Variants in RBFOX1 observed in about 807,000 individuals in gnomAD.
RBFOX1 encodes RNA binding protein fox-1 homolog 1.
RBFOX1 carries 8 observed loss-of-function variants against 57.7 expected under a neutral mutation model. That is an observed-to-expected ratio of 0.14 (90% confidence interval 0.08 to 0.25). The LOEUF is 0.25. RBFOX1 is among the 10% of genes least tolerant of loss of function. The probability of loss-of-function intolerance (pLI) is 1.00; values close to 1 mark genes in which losing one functional copy is unlikely to be tolerated. For synonymous variants in RBFOX1, 326 were observed against 222.4 expected, an observed-to-expected ratio of 1.47 and a Z score of -4.15; for missense variants, 611 against 548.5, an observed-to-expected ratio of 1.11 and a Z score of -1.14.
chr16:7,042,178 C>T (rs997535513), intron 3 of RBFOX1, among the ~76,000 whole-genome samples: 6 of 152,164 alleles, frequency 3.9e-5, no homozygotes, highest in African/African-American at 9.7e-5. Flanking sequence ...ACTAGCTAGT[C>T]GGTGCATGTC....
At chr16:6,891,559 G>C (rs1034319224) in intron 3 of RBFOX1, among the ~76,000 whole-genome samples, 4 of 152,136 alleles carry the variant, frequency 2.6e-5, no homozygotes, top group African/African-American at 9.7e-5. Flanking sequence ...GTGATGGTTA[G>C]TTTTTTCCAG....
In RBFOX1 at chr16:5,947,390, G is replaced by A. The variant is rs1379370598; in HGVS notation, c.351+80055G>A. On this transcript the variant is annotated intron_variant, in intron 4 of 19. Transcript: ENST00000641259. This position sits in a 1 kb window ranked among gnomAD's most constrained non-coding sequence, Gnocchi z 7.2. ...AGATTTTTGTTCTGTTTTGTTTTCA[G>A]ACAGGGTCTTGCTCTCGCTCAGACT... Among the ~76,000 whole-genome samples the A allele has an allele frequency of 6.6e-5, 10 of 152,170 alleles. No homozygotes were observed.
intron 2 of RBFOX1, among the ~76,000 whole-genome samples, chr16:6,554,564 C>G (rs981741918): frequency 6.6e-6 from 1 of 152,130 alleles, no homozygotes; most frequent in Non-Finnish European, 1.5e-5. Flanking sequence ...AACTGGTTTT[C>G]TAAACAAGAA....
Position 7,316,669 on chromosome 16 carries a change from G to A in RBFOX1, c.28-201478G>A, listed in dbSNP as rs140725674. ...GATAAATGCTCTGAAGGAAAAGAGT[G>A]GGAGTTGGATTCAGGGGTGAGGGAA... On this transcript the variant is annotated intron_variant, in intron 4 of 15. Transcript: ENST00000550418. Among the ~76,000 whole-genome samples, 695 of 152,214 alleles carry A rather than the reference G, an allele frequency of 4.6e-3. 2 individuals are homozygous for A. Among genetic ancestry groups the A allele is most frequent in the African/African-American group, 0.016 (650 of 41,528 alleles).
At chr16:7,556,216 T>C (rs1039214377) in intron 5 of RBFOX1, among the ~76,000 whole-genome samples, 1 of 152,146 alleles carries the variant, frequency 6.6e-6, no homozygotes, top group South Asian at 2.1e-4. Context: ...TTGCACAACA[T>C]GACGCAGCTC....
chr16:6,859,662 A>G (rs1028762683), intron 3 of RBFOX1, among the ~76,000 whole-genome samples: 17 of 152,206 alleles, frequency 1.1e-4, no homozygotes, highest in African/African-American at 4.1e-4. Context: ...GAGATACTCA[A>G]TAATGGAACC....
intron 2 of RBFOX1, among the ~76,000 whole-genome samples, chr16:6,401,437 A>G (rs1053398566): frequency 2.6e-5 from 4 of 152,222 alleles, no homozygotes; most frequent in Non-Finnish European, 5.9e-5. Flanking sequence ...GGGTAACTTC[A>G]CTTATGATAA....
intron 4 of RBFOX1, among the ~76,000 whole-genome samples, chr16:7,247,064 T>C (rs1266343635): frequency 6.6e-6 from 1 of 152,152 alleles, no homozygotes; most frequent in Non-Finnish European, 1.5e-5. Flanking sequence ...TGTAGTACAA[T>C]GGGGTCCTTG....
intron 2 of RBFOX1, 45 bp from the exon 3 acceptor site, chr16:6,654,558 C>T: frequency 2.1e-6 from 3 of 1,434,238 alleles, no homozygotes; most frequent in Non-Finnish European, 2.8e-6. Context: ...ATAAGTCTGA[C>T]TCCTGTTCTT....
At chr16:6,497,955 A>T (rs191652549) in intron 2 of RBFOX1, among the ~76,000 whole-genome samples, 1 of 152,244 alleles carries the variant, frequency 6.6e-6, no homozygotes, top group East Asian at 1.9e-4. Flanking sequence ...ATGTCAAAAG[A>T]TGACAATTCC....
intron 2 of RBFOX1, among the ~76,000 whole-genome samples, chr16:6,548,768 G>A (rs2096930075): frequency 1.3e-5 from 2 of 152,060 alleles, no homozygotes; most frequent in Admixed American, 6.5e-5. Context: ...TCTTCCACAC[G>A]TAGTCTTCGA....
intron 3 of RBFOX1, among the ~76,000 whole-genome samples, chr16:6,849,364 CT>C (rs1320541040): frequency 6.6e-6 from 1 of 152,138 alleles, no homozygotes; most frequent in Non-Finnish European, 1.5e-5. Context: ...TAGTCTTATA[CT>C]TTAGATAGAA....
chr16:5,714,568 A>G (rs184908956), intron 3 of RBFOX1, among the ~76,000 whole-genome samples: 25 of 152,262 alleles, frequency 1.6e-4, no homozygotes, highest in Non-Finnish European at 2.9e-4. Flanking sequence ...TTACAATCGA[A>G]TGTCACTGAG....
At chr16:6,699,848 G>T (rs1270627458) in intron 3 of RBFOX1, among the ~76,000 whole-genome samples, 2 of 152,110 alleles carry the variant, frequency 1.3e-5, no homozygotes, top group Non-Finnish European at 2.9e-5. Context: ...TCAAATGAGG[G>T]GTCTGGGCAC....
At chr16:5,377,333 A>G (rs58711578) in intron 1 of RBFOX1, among the ~76,000 whole-genome samples, 6,103 of 151,424 alleles carry the variant, frequency 0.04, 698 homozygotes, top group African/African-American at 0.14. Context: ...TTCATGGAGA[A>G]GTCAAGAAAG....
At chr16:7,660,013 A>T (rs996288672) in intron 12 of RBFOX1, among the ~76,000 whole-genome samples, 4 of 152,184 alleles carry the variant, frequency 2.6e-5, no homozygotes, top group African/African-American at 9.7e-5. Flanking sequence ...TGAACACCTT[A>T]AAAAGTTTAT....
rs76956398 is a variant in RBFOX1, at chr16:6,717,720, A to G, written c.-16+63070A>G. Among the ~76,000 whole-genome samples, 458 of 152,166 alleles carry G rather than the reference A, an allele frequency of 3.0e-3. 2 individuals carry two copies. In the East Asian group the frequency reaches 0.047, roughly 16 times the overall value. On this transcript the variant is annotated intron_variant, in intron 3 of 15. Transcript: ENST00000550418. ...AAAGTGCCAGTCACATTGTTTGGTT[A>G]TTGATAATGCTGCTGTACCAGGGAT...
At chr16:7,265,958 G>GTATTTTTT (rs1567956396) in intron 4 of RBFOX1, among the ~76,000 whole-genome samples, 1 of 107,604 alleles carries the variant, frequency 9.3e-6, no homozygotes. Context: ...GATCTGGTGG[G>GTATTTTTT]TTTTTGTTTT....
In RBFOX1 at chr16:6,055,979, ATG is replaced by A. The variant is rs2095609625; in HGVS notation, c.-127+35989_-127+35990del. ...TATGAAATATCTCCTAATTTTGAAA[ATG>A]TTTCCTCTGTCTACTATGTGATAGA... On this transcript the variant is annotated intron_variant, in intron 1 of 15. Transcript: ENST00000550418. Among the ~76,000 whole-genome samples the A allele has an allele frequency of 2.6e-5, 4 of 152,060 alleles. No homozygotes were observed. In the South Asian group the frequency reaches 8.3e-4, roughly 32 times the overall value.
Sources: allele counts gnomAD v4.1 joint callset (sites outside exome capture counted in the v4.1 genomes callset), GRCh38; gene constraint gnomAD v4.1.1; non-coding constraint Gnocchi (gnomAD v3.1); transcripts MANE v1.5; gene names NCBI Gene and HGNC (gene_info 2026-07-23, HGNC 2026-07-21).